Variants in TINAG observed in about 807,000 individuals in gnomAD.
TINAG encodes the protein tubulointerstitial nephritis antigen.
Under a neutral mutation model 72.7 loss-of-function variants are expected in TINAG, and 83 were observed. The ratio of observed to expected loss-of-function variants is 1.14; its 90% CI spans 0.96 to 1.37. The LOEUF is 1.37. Among genes scored for constraint, TINAG ranks in the 40% most tolerant of loss-of-function variants. The pLI is 0.00. For synonymous variants in TINAG, 234 were observed against 189.9 expected (o/e 1.23, Z -1.91); for missense variants, 685 against 576.6 (o/e 1.19, Z -1.93).
In TINAG at chr6:54,320,591, A is replaced by G; in HGVS notation, c.368A>G (p.Asp123Gly). 1 of 1,602,744 alleles carries G rather than the reference A, an allele frequency of 6.2e-7. No individual in the cohort carries two copies. ...QPWYPEGCFK[D>G]GQHYEEGSVI... ...GTTACTTTGACAGGTTGCTTCAAAG[A>G]TGGTCAACATTATGAAGAGGGATCA... is the stretch of plus-strand genomic sequence containing the variant. Residue 123 changes from aspartate to glycine, a missense_variant, in exon 2 of 11, where the codon GAT becomes GGT. Transcript: ENST00000259782.
chr6:54,308,314 T>C (rs1184600334), upstream of TINAG: 6 of 645,544 alleles, frequency 9.3e-6, no homozygotes, highest in Non-Finnish European at 1.6e-5. Flanking sequence ...GAAATATAAG[T>C]TTTTTAACTT....
chr6:54,337,747 C>T (rs1384619001), intron 4 of TINAG, among the ~76,000 whole-genome samples: 2 of 152,080 alleles, frequency 1.3e-5, no homozygotes, highest in East Asian at 1.9e-4. Flanking sequence ...CCATAAAATT[C>T]GTGTTTAGCT....
At chr6:54,371,981 G>GTTTTTTTTTTTTTTGTTTGTTTT (rs1763625312) in intron 9 of TINAG, among the ~76,000 whole-genome samples, 3 of 71,420 alleles carry the variant, frequency 4.2e-5, no homozygotes, top group South Asian at 6.6e-4. Context: ...TTCAAGTCAT[G>GTTTTTTTTTTTTTTGTTTGTTTT]TTTTTTTTTT....
At chr6:54,316,151 C>G (rs1017086180) in intron 1 of TINAG, among the ~76,000 whole-genome samples, 8 of 152,144 alleles carry the variant, frequency 5.3e-5, no homozygotes, top group Non-Finnish European at 1.0e-4. Flanking sequence ...GTTACCTATA[C>G]AGTGGCTATC....
chr6:54,342,394 T>G (rs1025851459), intron 4 of TINAG, among the ~76,000 whole-genome samples: 2 of 150,978 alleles, frequency 1.3e-5, no homozygotes, highest in Admixed American at 6.6e-5. Context: ...AGTCTTGCAC[T>G]GTCGCCCAGG....
In TINAG at chr6:54,308,479, C is replaced by G; in HGVS notation, c.-72C>G. ...TGTCTTAATGACTAGAATTCAGGTT[C>G]CAAGGAGAAGCCCACAAGGCTAAGG... On this transcript the variant is annotated 5_prime_UTR_variant, in exon 1 of 11. Coordinates refer to ENST00000259782, the MANE Select transcript of TINAG (RefSeq NM_014464.4). The G allele has an allele frequency of 1.5e-6, 2 of 1,325,826 alleles. No individual in the cohort carries two copies. Among genetic ancestry groups the G allele is most frequent in the Non-Finnish European group, 2.1e-6 (2 of 966,732 alleles). The allele number at this position is 1,325,826 out of a possible 1,614,324, so 82.1% of individuals were successfully genotyped here. A position where few individuals can be genotyped will look rare whatever the true frequency, so the allele number is the denominator to read the frequency against.
upstream of TINAG, chr6:54,308,042 T>C (rs1784151793): frequency 1.9e-6 from 3 of 1,549,712 alleles, no homozygotes; most frequent in Non-Finnish European, 1.7e-6. Context: ...GTTATTGATA[T>C]GACAGATCCT....
intron 3 of TINAG, among the ~76,000 whole-genome samples, chr6:54,322,462 G>A (rs1006119502): frequency 6.6e-6 from 1 of 152,064 alleles, no homozygotes; most frequent in Non-Finnish European, 1.5e-5. Flanking sequence ...AACGAATCTC[G>A]ATATACCCTT....
In TINAG at chr6:54,326,889, C is replaced by G; in HGVS notation, c.597C>G (p.Pro199=). The stretch of plus-strand genomic sequence containing the variant: ...GCCTTGGCACTTTGCCACCTAGTCC[C>G]ATGCTCCTGAGCATGAATGAAATGA... ...KFRLGTLPPS[P]MLLSMNEMTA... is the part of the protein sequence containing the mutation. Residue 199 remains proline, a synonymous_variant, in exon 4 of 11, where the codon CCC becomes CCG. Coordinates refer to ENST00000259782, the MANE Select transcript of TINAG (RefSeq NM_014464.4). The G allele has an allele frequency of 5.6e-6, 9 of 1,612,658 alleles. No homozygotes were observed. Among genetic ancestry groups the G allele is most frequent in the Non-Finnish European group, 7.6e-6 (9 of 1,179,742 alleles).
chr6:54,317,468 G>A (rs960307637), intron 1 of TINAG, among the ~76,000 whole-genome samples: 1 of 152,024 alleles, frequency 6.6e-6, no homozygotes, highest in African/African-American at 2.4e-5. Flanking sequence ...ATAAATGGGA[G>A]TTGCCCTGTA....
At chr6:54,360,330 G>A (rs751354392) in intron 9 of TINAG, among the ~76,000 whole-genome samples, 2 of 151,392 alleles carry the variant, frequency 1.3e-5, no homozygotes, top group Non-Finnish European at 3.0e-5. Context: ...TATTTATTTT[G>A]AAATACGGCC....
chr6:54,311,975 A>T (rs183529690), intron 1 of TINAG, among the ~76,000 whole-genome samples: 49 of 152,240 alleles, frequency 3.2e-4, no homozygotes, highest in African/African-American at 1.2e-3. Flanking sequence ...CCTTAAATAG[A>T]TTTAACACTT....
intron 3 of TINAG, 60 bp downstream of exon 3, chr6:54,321,446 T>G: frequency 8.6e-7 from 1 of 1,168,622 alleles, no homozygotes; most frequent in Non-Finnish European, 1.3e-6. Flanking sequence ...CAGGTTTCAA[T>G]GTATTGCTTG....
Position 54,369,508 on chromosome 6 carries a change from T to C in TINAG, c.1251-11018T>C, listed in dbSNP as rs551898211. Among the ~76,000 whole-genome samples, 27 of 152,034 alleles carry C rather than the reference T, an allele frequency of 1.8e-4. No homozygotes were observed. The South Asian group carries it at 5.4e-3, about 30-fold the overall frequency. ...ACTTAAAAATATAATCCAGGAGTTT[T>C]GAGCTAAAACATTAGAATCTTGTTA... On this transcript the variant is annotated intron_variant, in intron 9 of 10. Coordinates refer to ENST00000259782, the MANE Select transcript of TINAG (RefSeq NM_014464.4).
intron 7 of TINAG, among the ~76,000 whole-genome samples, chr6:54,350,505 T>C (rs1785240234): frequency 6.6e-6 from 1 of 151,542 alleles, no homozygotes; most frequent in Non-Finnish European, 1.5e-5. Flanking sequence ...TACACTCATG[T>C]CCTGCCAGCA....
intron 7 of TINAG, among the ~76,000 whole-genome samples, chr6:54,350,635 G>C (rs1785243412): frequency 6.8e-6 from 1 of 147,406 alleles, no homozygotes; most frequent in Non-Finnish European, 1.5e-5. Flanking sequence ...TGATGCAAAT[G>C]GTTATCAAGC....
At chr6:54,360,239 CT>C (rs1461959387) in intron 9 of TINAG, among the ~76,000 whole-genome samples, 1 of 150,390 alleles carries the variant, frequency 6.6e-6, no homozygotes, top group East Asian at 1.9e-4. Context: ...TATTTCCCCC[CT>C]CTCTCTTCCC....
intron 6 of TINAG, among the ~76,000 whole-genome samples, chr6:54,348,931 T>G (rs1233920613): frequency 6.6e-6 from 1 of 152,240 alleles, no homozygotes; most frequent in South Asian, 2.1e-4. Context: ...TTGTGGATAC[T>G]TCTATGGCCA....
intron 4 of TINAG, among the ~76,000 whole-genome samples, chr6:54,331,137 T>C (rs1331806843): frequency 6.6e-6 from 1 of 152,122 alleles, no homozygotes; most frequent in Non-Finnish European, 1.5e-5. Context: ...TACCAAAACC[T>C]GGCAGAGACA....
Sources: gnomAD v4.1 joint callset for allele counts (sites outside exome capture counted in the v4.1 genomes callset) on GRCh38, gnomAD v4.1.1 for gene constraint, MANE v1.5 for transcripts, NCBI Gene and HGNC (gene_info 2026-07-23, HGNC 2026-07-21) for gene names.